SYCE1L: variants seen among roughly 807,000 people sequenced by gnomAD.
SYCE1L encodes synaptonemal complex central element protein 1-like.
In SYCE1L, 51 loss-of-function variants were observed where a neutral mutation model predicts 39.6. The ratio of observed to expected loss-of-function variants is 1.29; its 90% CI spans 1.03 to 1.63. SYCE1L has a LOEUF of 1.63. Among genes scored for constraint, SYCE1L ranks in the 40% most tolerant of loss-of-function variants. SYCE1L has a pLI of 0.00. For missense variants in SYCE1L, 426 were observed against 304.9 expected, an observed-to-expected ratio of 1.40 and a Z score of -2.96; for synonymous variants, 147 against 122.4, an observed-to-expected ratio of 1.20 and a Z score of -1.33.
In SYCE1L at chr16:77,213,084, G is replaced by T. The variant is rs931600103; in HGVS notation, c.*153G>T. On this transcript the variant is annotated 3_prime_UTR_variant, in exon 11 of 11. Transcript: ENST00000378644. ...GGGATCTCGAGGCGGGGCCTCTGCC[G>T]GACCCCTCCCACCAGTCGAGCCCCG... 1.0e-5 allele frequency: 8 copies of T among 790,158 alleles called. No individual in the cohort carries two copies. Among genetic ancestry groups the T allele is most frequent in the African/African-American group, 7.1e-5 (4 of 56,268 alleles). The allele number at this position is 790,158 out of a possible 1,614,324, so 48.9% of individuals were successfully genotyped here. A position where few individuals can be genotyped will look rare whatever the true frequency, so the allele number is the denominator to read the frequency against.
At chr16:77,211,096 T>A in intron 6 of SYCE1L, 117 bp from the exon 7 acceptor site, 1 of 1,140,338 alleles carries the variant, frequency 8.8e-7, no homozygotes, top group Non-Finnish European at 1.3e-6. Context: ...ATAAAACCCA[T>A]GAAGGGGCTC....
At chr16:77,205,433 A>AATATATATATATATATATATGTATAC (rs145238524) in intron 1 of SYCE1L, among the ~76,000 whole-genome samples, 2 of 145,262 alleles carry the variant, frequency 1.4e-5, no homozygotes, top group Non-Finnish European at 3.0e-5. Context: ...CATAGAAGTA[A>AATATATATATATATATATATGTATAC]ATATATATAT....
chr16:77,200,837 G>A (rs953537372), intron 1 of SYCE1L: 5 of 150,620 alleles, frequency 3.3e-5, no homozygotes, highest in Admixed American at 1.3e-4. Context: ...TTTTGTTATA[G>A]AAATATTCAA....
In SYCE1L at chr16:77,203,405, A is replaced by G. The variant is rs548266838; in HGVS notation, c.62-3036A>G. Among the ~76,000 whole-genome samples, 20 of 128,806 alleles carry G rather than the reference A, an allele frequency of 1.6e-4. No individual in the cohort carries two copies. The Middle Eastern group carries it at 0.011, about 73-fold the overall frequency. The allele number at this position is 128,806 out of a possible 152,430, so 84.5% of individuals were successfully genotyped here. A position where few individuals can be genotyped will look rare whatever the true frequency, so the allele number is the denominator to read the frequency against. On this transcript the variant is annotated intron_variant, in intron 1 of 10. Transcript: ENST00000378644. The stretch of plus-strand genomic sequence containing the variant: ...AAATTAAAATAATACATACTAATTT[A>G]TAAAGGATTTCAGGCCAAAAAAAAA...
At chr16:77,208,290 T>A (rs1344261671) in intron 3 of SYCE1L, 21 bp downstream of exon 3, 2 of 1,551,126 alleles carry the variant, frequency 1.3e-6, no homozygotes, top group Non-Finnish European at 1.7e-6. Context: ...GGACTTAGAC[T>A]GGCCAGCTGG....
intron 6 of SYCE1L, among the ~76,000 whole-genome samples, chr16:77,210,632 T>G (rs190226940): frequency 1.6e-4 from 24 of 151,930 alleles, no homozygotes; most frequent in Non-Finnish European, 3.1e-4. Context: ...AGTAACAGAT[T>G]AGGGTTCAAG....
Position 77,199,449 on chromosome 16 carries a change from A to G in SYCE1L, c.-3A>G, listed in dbSNP as rs1469358304. ...GGCTCGCGCGCAGGCCCCGCGTTGG[A>G]AAATGGCGGGGAAGCTGAAACCTCT... On this transcript the variant is annotated 5_prime_UTR_variant, in exon 1 of 11. Coordinates refer to ENST00000378644, the MANE Select transcript of SYCE1L (RefSeq NM_001129979.3). 2 of 1,551,456 alleles carry G rather than the reference A, an allele frequency of 1.3e-6. No homozygotes were observed. The highest frequency in any genetic ancestry group is 1.7e-6 in the Non-Finnish European group (2 of 1,146,916).
intron 2 of SYCE1L, 143 bp downstream of exon 2, chr16:77,206,643 C>A: frequency 1.2e-6 from 1 of 815,296 alleles, no homozygotes; most frequent in Non-Finnish European, 1.9e-6. Context: ...TTCTTTGAAC[C>A]AAGAATACAG....
intron 3 of SYCE1L, 23 bp from the exon 4 acceptor site, chr16:77,208,442 G>A (rs1260793326): frequency 1.3e-6 from 2 of 1,551,490 alleles, no homozygotes; most frequent in East Asian, 4.9e-5. Context: ...CTCATACAGT[G>A]TCTTTTTCCC....
intron 2 of SYCE1L, among the ~76,000 whole-genome samples, chr16:77,207,849 G>A (rs1358468782): frequency 6.6e-6 from 1 of 152,028 alleles, no homozygotes; most frequent in Non-Finnish European, 1.5e-5. Flanking sequence ...CCTGGAATGG[G>A]TCCCCCCTCC....
chr16:77,204,680 T>C (rs1177585935), intron 1 of SYCE1L, among the ~76,000 whole-genome samples: 1 of 152,168 alleles, frequency 6.6e-6, no homozygotes, highest in Non-Finnish European at 1.5e-5. Flanking sequence ...AAAAGATCAC[T>C]GGTGTACATT....
At position 77,212,873 on chromosome 16, in the gene SYCE1L, C is replaced by T; in HGVS notation, c.671C>T (p.Pro224Leu). 1.3e-6 allele frequency: 2 copies of T among 1,521,440 alleles called. No individual in the cohort carries two copies. The highest frequency in any genetic ancestry group is 1.4e-5 in the African/African-American group (1 of 72,124). 94.2% of individuals were successfully genotyped at this position (1,521,440 alleles called of 1,614,324 possible). ...AGEGEAGPEL[P>L]RARDEEDPEP... Reference sequence around the variant, plus strand: ...CCCCGGCAGGCCGGACCTGAGCTCCCCCGCGCTCGCGACGAGGAGGATCCC... The same window carrying T: ...CCCCGGCAGGCCGGACCTGAGCTCCTCCGCGCTCGCGACGAGGAGGATCCC... Residue 224 changes from proline (P) to leucine (L), a missense_variant, in exon 11 of 11, where the codon CCC becomes CTC. Transcript: ENST00000378644.
intron 2 of SYCE1L, among the ~76,000 whole-genome samples, chr16:77,207,506 A>G (rs917370385): frequency 1.3e-5 from 2 of 152,216 alleles, no homozygotes; most frequent in South Asian, 2.1e-4. Context: ...GTGTAAAAGC[A>G]GGGATTCCCC....
chr16:77,208,070 C>T, intron 2 of SYCE1L, 140 bp from the exon 3 acceptor site: 1 of 811,126 alleles, frequency 1.2e-6, no homozygotes, highest in Non-Finnish European at 1.9e-6. Context: ...CTTCAAGGGG[C>T]TCTGGCAGAG....
chr16:77,209,485 C>A lies in SYCE1L; in HGVS notation c.359+14C>A. On this transcript the variant is annotated intron_variant, in intron 6 of 10. Transcript: ENST00000378644. ...CGAGGCTCAGAGGTAAGAGGCCCTG[C>A]CTCAGCTCTTCCCTACCTCATTCCC... 1 of 1,551,652 alleles carries A rather than the reference C, an allele frequency of 6.4e-7. No homozygotes were observed. The highest frequency in any genetic ancestry group is 1.2e-5 in the South Asian group (1 of 84,054).
chr16:77,211,112 A>G, intron 6 of SYCE1L, 101 bp from the exon 7 acceptor site: 1 of 1,278,482 alleles, frequency 7.8e-7, no homozygotes, highest in Non-Finnish European at 1.1e-6. Context: ...GGCTCCCAGC[A>G]GAGGGAGCAT....
chr16:77,210,416 G>A lies in SYCE1L; in HGVS notation c.360-797G>A, dbSNP rs141054460. Among the ~76,000 whole-genome samples the A allele has an allele frequency of 1.6e-3, 241 of 152,222 alleles. 1 individual carries two copies. Among genetic ancestry groups the A allele is most frequent in the African/African-American group, 5.2e-3 (216 of 41,526 alleles). On this transcript the variant is annotated intron_variant, in intron 6 of 10. Coordinates refer to ENST00000378644, the MANE Select transcript of SYCE1L (RefSeq NM_001129979.3). Reference sequence around the variant, plus strand: ...GGTGCACCATGATTTTAATTGCATGGGGAAACCTGATGTTAGCTAATGTGT... The same window carrying A: ...GGTGCACCATGATTTTAATTGCATGAGGAAACCTGATGTTAGCTAATGTGT...
chr16:77,208,302 G>C (rs1392770672), intron 3 of SYCE1L, 33 bp downstream of exon 3: 1 of 1,550,480 alleles, frequency 6.4e-7, no homozygotes, highest in East Asian at 2.4e-5. Context: ...GCCAGCTGGG[G>C]CGAGCAGGAA....
intron 1 of SYCE1L, chr16:77,201,278 T>C (rs376670102): frequency 2.0e-5 from 3 of 152,222 alleles, no homozygotes; most frequent in African/African-American, 7.2e-5. Context: ...TGCAAATAGA[T>C]CTCATTTATT....
Sources: gnomAD v4.1 joint callset for allele counts (sites outside exome capture counted in the v4.1 genomes callset) on GRCh38, gnomAD v4.1.1 for gene constraint, MANE v1.5 for transcripts, NCBI Gene and HGNC (gene_info 2026-07-23, HGNC 2026-07-21) for gene names.